TNFRSF11A: variants seen among roughly 807,000 people sequenced by gnomAD.
TNFRSF11A encodes the protein tumor necrosis factor receptor superfamily member 11A.
TNFRSF11A carries 32 observed loss-of-function variants against 55.7 expected under a neutral mutation model. The ratio of observed to expected loss-of-function variants is 0.57; its 90% CI spans 0.43 to 0.77. The LOEUF is 0.77. Among genes scored for constraint, TNFRSF11A ranks in the 30% least tolerant of loss-of-function variants. The probability of loss-of-function intolerance (pLI) is 0.00; values close to 1 mark genes in which losing one functional copy is unlikely to be tolerated. For synonymous variants in TNFRSF11A, 311 were observed against 331.0 expected (o/e 0.94, Z 0.65); for missense variants, 753 against 809.8 (o/e 0.93, Z 0.85).
intron 7 of TNFRSF11A, 66 bp downstream of exon 7, chr18:62,361,859 G>C (rs965554659): frequency 1.4e-5 from 19 of 1,402,058 alleles, no homozygotes; most frequent in Non-Finnish European, 1.9e-5. Context: ...AAATGCTTTG[G>C]AAGTTGAGTA....
At position 62,354,444 on chromosome 18, in the gene TNFRSF11A, G is replaced by T. The variant is rs1312726610; in HGVS notation, c.337G>T (p.Ala113Ser). The change falls in exon 4 of 10, where the codon GCG (alanine) becomes TCG (serine). Residue 113 changes from alanine to serine, a missense_variant. Physicochemically the swap from Ala to Ser is moderately conservative, Grantham distance 99. Transcript: ENST00000586569. ...CAACAGCACGACCCCCCGGCGCTGC[G>T]CGTGCACGGCTGGGTACCACTGGAG... ...AGNSTTPRRC[A>S]CTAGYHWSQD... 6.3e-7 allele frequency: 1 copy of T among 1,599,468 alleles called. No individual in the cohort carries two copies. The highest frequency in any genetic ancestry group is 8.5e-7 in the Non-Finnish European group (1 of 1,178,538).
chr18:62,325,344 T>C lies in TNFRSF11A; in HGVS notation c.-9T>C, dbSNP rs1805033. On this transcript the variant is annotated 5_prime_UTR_variant, in exon 1 of 10. Coordinates refer to ENST00000586569, the MANE Select transcript of TNFRSF11A (RefSeq NM_003839.4). The surrounding 1 kb of genome is among the most constrained non-coding windows in gnomAD (Gnocchi z 4.7). ...TGAGGCCGCGGCGCCCGCCAGCCTGTCCCGCGCCATGGCCCCGCGCGCCCG... is the reference window on the plus strand; with the variant it reads ...TGAGGCCGCGGCGCCCGCCAGCCTGCCCCGCGCCATGGCCCCGCGCGCCCG... 272,777 of 1,015,216 alleles carry C rather than the reference T, an allele frequency of 0.27. 37,933 individuals are homozygous for C. The highest frequency in any genetic ancestry group is 0.35 in the African/African-American group (19,849 of 57,186). The allele number at this position is 1,015,216 out of a possible 1,614,324, so 62.9% of individuals were successfully genotyped here.
At chr18:62,348,669 C>A (rs2046420126) in intron 2 of TNFRSF11A, among the ~76,000 whole-genome samples, 1 of 152,138 alleles carries the variant, frequency 6.6e-6, no homozygotes, top group South Asian at 2.1e-4. Context: ...ATTGCCTAAA[C>A]CCTTGTCGTA....
In TNFRSF11A at chr18:62,384,850, A is replaced by G; in HGVS notation, c.1667A>G (p.Gln556Arg). The G allele has an allele frequency of 6.2e-7, 1 of 1,609,202 alleles. No individual in the cohort carries two copies. Among genetic ancestry groups the G allele is most frequent in the Middle Eastern group, 1.7e-4 (1 of 6,052 alleles). ...GTGGTCTACGTCAGCCAGACCTCGCAGGAGGGCGCGGCGGCGGCTGCGGAG... is the reference window on the plus strand; with the variant it reads ...GTGGTCTACGTCAGCCAGACCTCGCGGGAGGGCGCGGCGGCGGCTGCGGAG... ...IIVVYVSQTS[Q>R]EGAAAAAEPM... The change falls in exon 10 of 10, where the codon CAG becomes CGG. Residue 556 changes from glutamine (Q) to arginine (R), a missense_variant. Gln to Arg is a conservative substitution (Grantham distance 43). This residue lies in a region of TNFRSF11A where 567 missense variants were observed against 596.7 expected (regional missense o/e 0.95). Coordinates refer to ENST00000586569, the MANE Select transcript of TNFRSF11A (RefSeq NM_003839.4).
chr18:62,341,529 C>A (rs1351523327), intron 1 of TNFRSF11A, among the ~76,000 whole-genome samples: 1 of 152,216 alleles, frequency 6.6e-6, no homozygotes, highest in Non-Finnish European at 1.5e-5. Context: ...CAGGGAATGA[C>A]TGGATGGAAG....
intron 9 of TNFRSF11A, among the ~76,000 whole-genome samples, chr18:62,382,420 C>G (rs540440634): frequency 3.9e-5 from 6 of 152,212 alleles, no homozygotes; most frequent in African/African-American, 1.4e-4. Context: ...CTCCTGAGCC[C>G]TTTTTACATT....
At chr18:62,345,150 A>T (rs1356103266) in intron 1 of TNFRSF11A, among the ~76,000 whole-genome samples, 1 of 152,202 alleles carries the variant, frequency 6.6e-6, no homozygotes, top group Non-Finnish European at 1.5e-5. Flanking sequence ...GAACTGAGGC[A>T]TGAGATTAGA....
intron 9 of TNFRSF11A, among the ~76,000 whole-genome samples, chr18:62,372,512 T>C (rs1007549213): frequency 6.6e-6 from 1 of 152,148 alleles, no homozygotes; most frequent in Admixed American, 6.5e-5. Context: ...TCATTTTGCT[T>C]TTTAATTATT....
intron 3 of TNFRSF11A, 115 bp downstream of exon 3, chr18:62,350,052 A>G: frequency 7.0e-7 from 1 of 1,423,642 alleles, no homozygotes; most frequent in East Asian, 2.3e-5. Context: ...CATGAAAGGA[A>G]GTTGTGACTA....
chr18:62,372,278 A>G (rs960947073), intron 9 of TNFRSF11A, among the ~76,000 whole-genome samples: 1 of 152,186 alleles, frequency 6.6e-6, no homozygotes, highest in Admixed American at 6.5e-5. Flanking sequence ...AATCCTGATG[A>G]CGTGATGGTT....
chr18:62,327,041 C>T (rs4470247), intron 1 of TNFRSF11A, among the ~76,000 whole-genome samples: 8,995 of 85,906 alleles, frequency 0.1, 882 homozygotes, highest in African/African-American at 0.36. Flanking sequence ...GATTTTGGGG[C>T]GGGTTTGGGG....
intron 9 of TNFRSF11A, among the ~76,000 whole-genome samples, chr18:62,381,250 T>G (rs987580805): frequency 6.6e-6 from 1 of 152,192 alleles, no homozygotes; most frequent in African/African-American, 2.4e-5. Flanking sequence ...AGGTTATCAG[T>G]ATCAAAGATA....
At chr18:62,358,448 C>T (rs1909434779) in intron 5 of TNFRSF11A, 107 bp downstream of exon 5, 2 of 1,057,668 alleles carry the variant, frequency 1.9e-6, no homozygotes, top group African/African-American at 1.6e-5. Flanking sequence ...GTTAGGCTTC[C>T]TCTTGAAGCC....
At chr18:62,349,321 A>G (rs1253065512) in intron 2 of TNFRSF11A, among the ~76,000 whole-genome samples, 1 of 152,056 alleles carries the variant, frequency 6.6e-6, no homozygotes. Context: ...AGCTGGGACT[A>G]CAGTCACCTG....
At chr18:62,365,820 ATT>A (rs1161438754) in intron 7 of TNFRSF11A, among the ~76,000 whole-genome samples, 1 of 151,344 alleles carries the variant, frequency 6.6e-6, no homozygotes, top group Admixed American at 6.6e-5. Context: ...TTTTTATTTT[ATT>A]TTTTGGTTTT....
At chr18:62,348,350 G>T (rs552085797) in intron 2 of TNFRSF11A, 101 bp downstream of exon 2, 2 of 1,042,982 alleles carry the variant, frequency 1.9e-6, no homozygotes, top group East Asian at 5.0e-5. Flanking sequence ...TTGGATAGAC[G>T]CGTTATGGTA....
intron 1 of TNFRSF11A, among the ~76,000 whole-genome samples, chr18:62,337,991 C>T (rs545453080): frequency 4.6e-5 from 7 of 152,270 alleles, no homozygotes; most frequent in African/African-American, 7.2e-5. Flanking sequence ...CCTATGAAAA[C>T]GGACAAAGGA....
chr18:62,370,413 C>A (rs2145360571), intron 9 of TNFRSF11A, among the ~76,000 whole-genome samples: 1 of 152,322 alleles, frequency 6.6e-6, no homozygotes, highest in African/African-American at 2.4e-5. Flanking sequence ...TTTTAAAAGG[C>A]CCATTCATAG....
chr18:62,375,075 T>G (rs1403426470), intron 9 of TNFRSF11A, among the ~76,000 whole-genome samples: 7 of 62,318 alleles, frequency 1.1e-4, no homozygotes, highest in South Asian at 3.3e-4. Flanking sequence ...CTGCTAATTT[T>G]TGTGTGTGTG....
Sources: allele counts gnomAD v4.1 joint callset (sites outside exome capture counted in the v4.1 genomes callset), GRCh38; gene constraint gnomAD v4.1.1; regional missense constraint gnomAD v4.1.1; non-coding constraint Gnocchi (gnomAD v3.1); transcripts MANE v1.5; gene names NCBI Gene and HGNC (gene_info 2026-07-23, HGNC 2026-07-21).